The following DNAJC5 variants were observed in gnomAD, a reference collection of about 807,000 sequenced individuals.
DNAJC5 encodes DnaJ heat shock protein family (Hsp40) member C5.
A neutral mutation model predicts 23.2 loss-of-function variants in DNAJC5; 1 was observed. That is an observed-to-expected ratio of 0.04 (90% confidence interval 0.02 to 0.20). The LOEUF is 0.20. Ranked by LOEUF, DNAJC5 falls within the 10% of genes least tolerant of loss-of-function variation. The pLI, the probability that DNAJC5 is intolerant of heterozygous loss-of-function variation, is 1.00. For synonymous variants in DNAJC5, 136 were observed against 120.0 expected, an observed-to-expected ratio of 1.13 and a Z score of -0.87; for missense variants, 180 against 267.0, an observed-to-expected ratio of 0.67 and a Z score of 2.27.
Position 63,897,697 on chromosome 20 carries a change from G to A in DNAJC5, c.-12+2374G>A, listed in dbSNP as rs564614415. Among the ~76,000 whole-genome samples, 11 of 152,360 alleles carry A rather than the reference G, an allele frequency of 7.2e-5. No homozygotes were observed. The South Asian group carries it at 2.3e-3, about 32-fold the overall frequency. On this transcript the variant is annotated intron_variant, in intron 1 of 4. Coordinates refer to ENST00000360864, the MANE Select transcript of DNAJC5 (RefSeq NM_025219.3). ...CTCCGTCGTGACATTTGGTAATTAA[G>A]TAGAGTGAGGTGGAATGATCTCCCT...
chr20:63,926,296 G>A (rs1276264621), intron 1 of DNAJC5, among the ~76,000 whole-genome samples: 1 of 151,894 alleles, frequency 6.6e-6, no homozygotes, highest in South Asian at 2.1e-4. Context: ...TCCTTTTCAC[G>A]CCTCTAGGAT....
At chr20:63,927,007 G>A (rs1011750439) in intron 1 of DNAJC5, among the ~76,000 whole-genome samples, 1 of 152,242 alleles carries the variant, frequency 6.6e-6, no homozygotes, top group Non-Finnish European at 1.5e-5. Flanking sequence ...TGAATATCAA[G>A]AGTATCTTCC....
chr20:63,905,229 C>T (rs2053440257), intron 1 of DNAJC5, among the ~76,000 whole-genome samples: 6 of 151,650 alleles, frequency 4.0e-5, no homozygotes. Flanking sequence ...GACTCTCCTG[C>T]CTCAGCCTCC....
intron 1 of DNAJC5, among the ~76,000 whole-genome samples, chr20:63,926,489 C>G (rs2053617386): frequency 6.6e-6 from 1 of 152,214 alleles, no homozygotes; most frequent in African/African-American, 2.4e-5. Flanking sequence ...ACGTGTTGTA[C>G]TAGTCAGCAT....
intron 1 of DNAJC5, among the ~76,000 whole-genome samples, chr20:63,910,993 T>C (rs1322691375): frequency 1.3e-5 from 2 of 152,210 alleles, no homozygotes; most frequent in Non-Finnish European, 2.9e-5. Context: ...TATTCAAATG[T>C]ATATCTGGAG....
chr20:63,903,447 A>G (rs564319736), intron 1 of DNAJC5, among the ~76,000 whole-genome samples: 5 of 152,202 alleles, frequency 3.3e-5, no homozygotes, highest in East Asian at 1.9e-4. Flanking sequence ...AGCTGGGACT[A>G]CAGGCATGCG....
rs1379818894 is a variant in DNAJC5, at chr20:63,929,494, C to G, written c.290C>G (p.Thr97Ser). 2 of 1,614,092 alleles carry G rather than the reference C, an allele frequency of 1.2e-6. No individual in the cohort carries two copies. Among genetic ancestry groups the G allele is most frequent in the Non-Finnish European group, 1.7e-6 (2 of 1,180,012 alleles). The change falls in exon 3 of 5, where the codon ACC becomes AGC. Residue 97 changes from threonine to serine, a missense_variant. By Grantham distance (58) the Thr-to-Ser change is moderately conservative. Transcript: ENST00000360864. The surrounding 1 kb of genome is among the most constrained non-coding windows in gnomAD (Gnocchi z 8.6). ...AEQFGEENVN[T>S]YFVLSSWWAK... Reference sequence around the variant, plus strand: ...CAGTTTGGGGAAGAGAACGTGAACACCTACTTCGTGCTGTCCAGCTGGTGG... The same window carrying G: ...CAGTTTGGGGAAGAGAACGTGAACAGCTACTTCGTGCTGTCCAGCTGGTGG...
chr20:63,926,756 C>G (rs1271480370), intron 1 of DNAJC5, among the ~76,000 whole-genome samples: 1 of 152,228 alleles, frequency 6.6e-6, no homozygotes, highest in Non-Finnish European at 1.5e-5. Context: ...TGGGACGACA[C>G]TCACCTGCAC....
chr20:63,907,369 A>C (rs936507562), intron 1 of DNAJC5, among the ~76,000 whole-genome samples: 2 of 152,202 alleles, frequency 1.3e-5, no homozygotes, highest in African/African-American at 4.8e-5. Flanking sequence ...TCATCATCAT[A>C]ATAGCTAACA....
chr20:63,899,779 CGCGG>C, intron 1 of DNAJC5, among the ~76,000 whole-genome samples: 1 of 151,304 alleles, frequency 6.6e-6, no homozygotes, highest in East Asian at 2.0e-4. Flanking sequence ...GACAGGGTTT[CGCGG>C]TGTTAGCCAG....
intron 1 of DNAJC5, among the ~76,000 whole-genome samples, chr20:63,918,103 G>T (rs944363861): frequency 2.0e-5 from 3 of 152,230 alleles, no homozygotes; most frequent in African/African-American, 7.2e-5. Context: ...ATGTCCTTCG[G>T]TGCAAGAGTG....
At chr20:63,904,100 C>T (rs1212691522) in intron 1 of DNAJC5, among the ~76,000 whole-genome samples, 2 of 152,050 alleles carry the variant, frequency 1.3e-5, no homozygotes, top group South Asian at 2.1e-4. Flanking sequence ...TGAGGCAAAC[C>T]GTGGTTTGTT....
At chr20:63,898,078 A>G (rs4809379) in intron 1 of DNAJC5, among the ~76,000 whole-genome samples, 64,462 of 151,986 alleles carry the variant, frequency 0.42, 14,157 homozygotes, top group East Asian at 0.64. Flanking sequence ...CCTGTTAACA[A>G]TCGTCAGAGC....
intron 1 of DNAJC5, among the ~76,000 whole-genome samples, chr20:63,913,766 G>C (rs1446358240): frequency 1.3e-5 from 2 of 152,110 alleles, no homozygotes; most frequent in Admixed American, 6.6e-5. Context: ...TTTTAGTACA[G>C]ATAGGGTTTC....
chr20:63,926,668 C>T (rs767000758), intron 1 of DNAJC5, among the ~76,000 whole-genome samples: 7 of 152,320 alleles, frequency 4.6e-5, no homozygotes, highest in East Asian at 1.9e-4. Context: ...CACGTGGCCC[C>T]GCTCAGGCTG....
chr20:63,899,636 C>T lies in DNAJC5; in HGVS notation c.-12+4313C>T, dbSNP rs982299631. Among the ~76,000 whole-genome samples, 22 of 152,306 alleles carry T rather than the reference C, an allele frequency of 1.4e-4. No homozygotes were observed. In the East Asian group the frequency reaches 3.9e-3, roughly 27 times the overall value. Reference sequence around the variant, plus strand: ...TCATTCTCTCACCCAGGCTGGAGTGCGGTGGCGTGACCTTGGCTCACTGCA... The same window carrying T: ...TCATTCTCTCACCCAGGCTGGAGTGTGGTGGCGTGACCTTGGCTCACTGCA... On this transcript the variant is annotated intron_variant, in intron 1 of 4. Coordinates refer to ENST00000360864, the MANE Select transcript of DNAJC5 (RefSeq NM_025219.3).
rs2053674712 is a variant in DNAJC5 at position 63,931,786 on chromosome 20, T to C, written c.*218T>C. ...GTGTAGCTACGGTCTTCTGTTTTTT[T>C]CCCTTTTTTAATAGCATGTATGGGG... is the stretch of plus-strand genomic sequence containing the variant. On this transcript the variant is annotated 3_prime_UTR_variant, in exon 5 of 5. Coordinates refer to ENST00000360864, the MANE Select transcript of DNAJC5 (RefSeq NM_025219.3). The surrounding 1 kb of genome is among the most constrained non-coding windows in gnomAD (Gnocchi z 9.6). 5 of 607,398 alleles carry C rather than the reference T, an allele frequency of 8.2e-6. No homozygotes were observed. The highest frequency in any genetic ancestry group is 1.5e-5 in the Non-Finnish European group (5 of 338,474). The allele number at this position is 607,398 out of a possible 1,614,324, so 37.6% of individuals were successfully genotyped here.
chr20:63,933,975 G>A lies in DNAJC5; in HGVS notation c.*2407G>A, dbSNP rs1379467739. 6.6e-6 allele frequency: 1 copy of A among 152,356 alleles called. No individual in the cohort carries two copies. Among genetic ancestry groups the A allele is most frequent in the African/African-American group, 2.4e-5 (1 of 41,454 alleles). The allele number at this position is 152,356 out of a possible 1,614,324, so 9.4% of individuals were successfully genotyped here. ...GGGGTAGGGTGGGAAAGAGGAGCAGGTCTGGAGGTTTGTGGAACCCAGTCC... is the reference window on the plus strand; with the variant it reads ...GGGGTAGGGTGGGAAAGAGGAGCAGATCTGGAGGTTTGTGGAACCCAGTCC... On this transcript the variant is annotated 3_prime_UTR_variant, in exon 5 of 5. Coordinates refer to ENST00000360864, the MANE Select transcript of DNAJC5 (RefSeq NM_025219.3).
Position 63,928,484 on chromosome 20 carries a change from C to A in DNAJC5, c.107+32C>A. 1 of 1,567,116 alleles carries A rather than the reference C, an allele frequency of 6.4e-7. No individual in the cohort carries two copies. Among genetic ancestry groups the A allele is most frequent in the South Asian group, 1.1e-5 (1 of 90,068 alleles). ...GGACAAGTGTGGCCCCCACATCCCC[C>A]CAGGAAGACACACATGCCCCGTGTG... On this transcript the variant is annotated intron_variant, in intron 2 of 4. Transcript: ENST00000360864. The surrounding 1 kb of genome is among the most constrained non-coding windows in gnomAD (Gnocchi z 4.6).
Sources: allele counts gnomAD v4.1 joint callset (sites outside exome capture counted in the v4.1 genomes callset), GRCh38; gene constraint gnomAD v4.1.1; non-coding constraint Gnocchi (gnomAD v3.1); transcripts MANE v1.5; gene names NCBI Gene and HGNC (gene_info 2026-07-23, HGNC 2026-07-21).